The following NSA2 variants were observed in gnomAD, a reference collection of about 807,000 sequenced individuals.
The protein encoded by NSA2 is NSA2 ribosome biogenesis factor.
In NSA2, 18 loss-of-function variants were observed where a neutral mutation model predicts 34.8. The ratio of observed to expected loss-of-function variants is 0.52; its 90% CI spans 0.36 to 0.77. The LOEUF (loss-of-function observed/expected upper bound fraction) is 0.77, where lower values mean the gene tolerates loss of function less well. Among genes scored for constraint, NSA2 ranks in the 30% least tolerant of loss-of-function variants. NSA2 has a pLI of 0.00. For missense variants in NSA2, 188 were observed against 314.7 expected (o/e 0.60, Z 3.05); for synonymous variants, 79 against 100.2 (o/e 0.79, Z 1.26).
intron 5 of NSA2, among the ~76,000 whole-genome samples, chr5:74,775,735 C>A (rs1213641165): frequency 6.6e-6 from 1 of 151,248 alleles, no homozygotes; most frequent in South Asian, 2.1e-4. Context: ...AACCATGAGC[C>A]GAGGGAGGCA....
At position 74,770,583 on chromosome 5, in the gene NSA2, A is replaced by T. The variant is rs765380515; in HGVS notation, c.343-48A>T. ...ACTAAAACATATTTGACTTATTCTCATTGTCCTTTAATAACAATATAAACT... is the reference window on the plus strand; with the variant it reads ...ACTAAAACATATTTGACTTATTCTCTTTGTCCTTTAATAACAATATAAACT... On this transcript the variant is annotated intron_variant, in intron 3 of 5. Coordinates refer to ENST00000610426, the MANE Select transcript of NSA2 (RefSeq NM_014886.6). 16 of 1,371,618 alleles carry T rather than the reference A, an allele frequency of 1.2e-5. No homozygotes were observed. The African/African-American group carries it at 2.3e-4, about 20-fold the overall frequency. 85.0% of individuals were successfully genotyped at this position (1,371,618 alleles called of 1,614,324 possible). A position where few individuals can be genotyped will look rare whatever the true frequency, so the allele number is the denominator to read the frequency against.
At chr5:74,775,641 T>G (rs1745086598) in intron 5 of NSA2, among the ~76,000 whole-genome samples, 1 of 152,054 alleles carries the variant, frequency 6.6e-6, no homozygotes, top group Non-Finnish European at 1.5e-5. Flanking sequence ...ATTTTGATCT[T>G]TTTTAATAAA....
intron 4 of NSA2, 76 bp from the exon 5 acceptor site, chr5:74,773,787 AAAGAT>A: frequency 9.0e-7 from 1 of 1,111,034 alleles, no homozygotes; most frequent in Non-Finnish European, 1.3e-6. Flanking sequence ...GATGGTTGAA[AAAGAT>A]AAGCGAAAAC....
In NSA2 at chr5:74,777,392, C is replaced by CTAAG. The variant is rs1478097046; in HGVS notation, c.*723_*726dup. The stretch of plus-strand genomic sequence containing the variant: ...TAAGAATTAGTTTAAGTAACTCCAG[C>CTAAG]TAAGTTTTAAAAGGAAAAAGAAGAC... On this transcript the variant is annotated 3_prime_UTR_variant, in exon 6 of 6. Coordinates refer to ENST00000610426, the MANE Select transcript of NSA2 (RefSeq NM_014886.6). The CTAAG allele has an allele frequency of 2.0e-5, 3 of 151,998 alleles. No individual in the cohort carries two copies. The highest frequency in any genetic ancestry group is 6.5e-5 in the Admixed American group (1 of 15,268). The allele number at this position is 151,998 out of a possible 1,614,324, so 9.4% of individuals were successfully genotyped here.
chr5:74,772,153 C>CT (rs1744959301), intron 4 of NSA2, among the ~76,000 whole-genome samples: 1 of 144,000 alleles, frequency 6.9e-6, no homozygotes, highest in African/African-American at 2.6e-5. Flanking sequence ...GGGACGGAGT[C>CT]TCCCTCTGTA....
Position 74,778,383 on chromosome 5 carries a change from T to C in NSA2, c.*1712T>C, listed in dbSNP as rs1013541385. On this transcript the variant is annotated 3_prime_UTR_variant, in exon 6 of 6. Transcript: ENST00000610426. ...TAAAGCAGAACATAAGAGCAGATAT[T>C]TAGATATTAGTACAGGCTCAATTTG... 1 of 152,024 alleles carries C rather than the reference T, an allele frequency of 6.6e-6. No individual in the cohort carries two copies. The highest frequency in any genetic ancestry group is 1.5e-5 in the Non-Finnish European group (1 of 67,888). 9.4% of individuals were successfully genotyped at this position (152,024 alleles called of 1,614,324 possible). A position where few individuals can be genotyped will look rare whatever the true frequency, so the allele number is the denominator to read the frequency against.
At position 74,773,888 on chromosome 5, in the gene NSA2, C is replaced by T. The variant is rs1429146129; in HGVS notation, c.543C>T (p.Ala181=). 3.7e-6 allele frequency: 6 copies of T among 1,612,500 alleles called. No individual in the cohort carries two copies. Among genetic ancestry groups the T allele is most frequent in the Non-Finnish European group, 5.1e-6 (6 of 1,179,376 alleles). ...IRPMGLRFKK[A]HVTHPELKAT... is the part of the protein sequence containing the mutation. ...ACTAGGGCTTGCGTTTCAAGAAAGC[C>T]CATGTAACACATCCTGAACTGAAAG... The change falls in exon 5 of 6, where the codon GCC becomes GCT. Residue 181 remains alanine, a synonymous_variant. Coordinates refer to ENST00000610426, the MANE Select transcript of NSA2 (RefSeq NM_014886.6).
chr5:74,775,443 C>T (rs1052593290), intron 5 of NSA2, among the ~76,000 whole-genome samples: 3 of 151,786 alleles, frequency 2.0e-5, no homozygotes, highest in African/African-American at 7.3e-5. Flanking sequence ...GACAAAACGC[C>T]GTCTCTACTA....
At chr5:74,771,853 CA>C (rs11291606) in intron 4 of NSA2, among the ~76,000 whole-genome samples, 5,278 of 76,414 alleles carry the variant, frequency 0.069, 223 homozygotes, top group African/African-American at 0.19. Context: ...GATTCTGTCT[CA>C]AAAAAAAAAA....
intron 5 of NSA2, 82 bp downstream of exon 5, chr5:74,774,142 A>AT (rs1745034888): frequency 4.1e-6 from 4 of 964,992 alleles, no homozygotes; most frequent in South Asian, 1.9e-5. Context: ...TTAATAAAAT[A>AT]TACAGCAAAT....
chr5:74,779,584 G>A lies in NSA2; in HGVS notation c.*2913G>A, dbSNP rs1745307694. On this transcript the variant is annotated 3_prime_UTR_variant, in exon 6 of 6. Transcript: ENST00000610426. ...AGTTTCTCATAAAATGTATAAAACA[G>A]CATAAATGTTTGGTAGATTCACTAA... 6.6e-6 allele frequency: 1 copy of A among 151,348 alleles called. No individual in the cohort carries two copies. Among genetic ancestry groups the A allele is most frequent in the Non-Finnish European group, 1.5e-5 (1 of 67,856 alleles). The allele number at this position is 151,348 out of a possible 1,614,324, so 9.4% of individuals were successfully genotyped here. A position where few individuals can be genotyped will look rare whatever the true frequency, so the allele number is the denominator to read the frequency against.
chr5:74,775,440 C>T (rs535756894), intron 5 of NSA2, among the ~76,000 whole-genome samples: 11 of 151,912 alleles, frequency 7.2e-5, no homozygotes, highest in African/African-American at 2.7e-4. Context: ...CATGACAAAA[C>T]GCCGTCTCTA....
In NSA2 at chr5:74,773,950, A is replaced by C. The variant is rs1580056888; in HGVS notation, c.605A>C (p.Asn202Thr). 2 of 1,614,006 alleles carry C rather than the reference A, an allele frequency of 1.2e-6. No homozygotes were observed. Among genetic ancestry groups the C allele is most frequent in the Admixed American group, 3.3e-5 (2 of 60,020 alleles). ...CTACCAATACTTGGTGTAAAGAAGA[A>C]TCCCTCATCCCCACTGTATACAACT... is the stretch of plus-strand genomic sequence containing the variant. ...FCLPILGVKK[N>T]PSSPLYTTLG... The change falls in exon 5 of 6, where the codon AAT becomes ACT. Residue 202 changes from asparagine (N) to threonine (T), a missense_variant. Transcript: ENST00000610426.
chr5:74,780,004 G>C lies in NSA2; in HGVS notation c.*3333G>C, dbSNP rs1436147754. On this transcript the variant is annotated 3_prime_UTR_variant, in exon 6 of 6. Coordinates refer to ENST00000610426, the MANE Select transcript of NSA2 (RefSeq NM_014886.6). ...GGTCTCAAAACATTCTCCAACTTAA[G>C]TGCAAATTTGAGTACACATAATATT... is the stretch of plus-strand genomic sequence containing the variant. 6.6e-6 allele frequency: 1 copy of C among 152,094 alleles called. No individual in the cohort carries two copies. Among genetic ancestry groups the C allele is most frequent in the Non-Finnish European group, 1.5e-5 (1 of 68,018 alleles). The allele number at this position is 152,094 out of a possible 1,614,324, so 9.4% of individuals were successfully genotyped here. A position where few individuals can be genotyped will look rare whatever the true frequency, so the allele number is the denominator to read the frequency against.
At position 74,767,259 on chromosome 5, in the gene NSA2, G is replaced by A. The variant is rs752481901; in HGVS notation, c.-102G>A. On this transcript the variant is annotated 5_prime_UTR_variant, in exon 1 of 6. Transcript: ENST00000610426. ...CCGTTTTAAAGGGTGACTCTTTCCTGTCCCGGCCTGCGTGGTGTGGGCTTG... is the reference window on the plus strand; with the variant it reads ...CCGTTTTAAAGGGTGACTCTTTCCTATCCCGGCCTGCGTGGTGTGGGCTTG... 4 of 1,449,898 alleles carry A rather than the reference G, an allele frequency of 2.8e-6. No individual in the cohort carries two copies. The highest frequency in any genetic ancestry group is 2.8e-5 in the African/African-American group (2 of 70,522). The allele number at this position is 1,449,898 out of a possible 1,614,324, so 89.8% of individuals were successfully genotyped here.
chr5:74,777,659 T>C lies in NSA2; in HGVS notation c.*988T>C, dbSNP rs1422336932. 1 of 152,012 alleles carries C rather than the reference T, an allele frequency of 6.6e-6. No homozygotes were observed. The highest frequency in any genetic ancestry group is 1.5e-5 in the Non-Finnish European group (1 of 67,902). The allele number at this position is 152,012 out of a possible 1,614,324, so 9.4% of individuals were successfully genotyped here. A position where few individuals can be genotyped will look rare whatever the true frequency, so the allele number is the denominator to read the frequency against. On this transcript the variant is annotated 3_prime_UTR_variant, in exon 6 of 6. Coordinates refer to ENST00000610426, the MANE Select transcript of NSA2 (RefSeq NM_014886.6). ...ATTAATTGTGCCTTTAACAAAGTCA[T>C]TCAATGTCTAAACAAATTCAGTATC...
At chr5:74,767,684 T>G (rs1744737638) in intron 1 of NSA2, among the ~76,000 whole-genome samples, 1 of 152,210 alleles carries the variant, frequency 6.6e-6, no homozygotes, top group Admixed American at 6.5e-5. Context: ...CAGAGCCTAA[T>G]GGGAATATGG....
At position 74,778,458 on chromosome 5, in the gene NSA2, G is replaced by T. The variant is rs183780823; in HGVS notation, c.*1787G>T. The T allele has an allele frequency of 6.6e-6, 1 of 151,984 alleles. No homozygotes were observed. The highest frequency in any genetic ancestry group is 6.6e-5 in the Admixed American group (1 of 15,266). The allele number at this position is 151,984 out of a possible 1,614,324, so 9.4% of individuals were successfully genotyped here. On this transcript the variant is annotated 3_prime_UTR_variant, in exon 6 of 6. Transcript: ENST00000610426. ...TCTAGTCACTGAAACCCCATTGTAG[G>T]TAGTGTTCTGGAGTCTGCTATAAGT... is the stretch of plus-strand genomic sequence containing the variant.
intron 4 of NSA2, 76 bp downstream of exon 4, chr5:74,770,886 C>G: frequency 3.5e-6 from 4 of 1,143,722 alleles, no homozygotes; most frequent in Non-Finnish European, 4.8e-6. Flanking sequence ...TTATCATTTC[C>G]TGAAATTCTT....
Sources: gnomAD v4.1 joint callset for allele counts (sites outside exome capture counted in the v4.1 genomes callset) on GRCh38, gnomAD v4.1.1 for gene constraint, MANE v1.5 for transcripts, NCBI Gene and HGNC (gene_info 2026-07-23, HGNC 2026-07-21) for gene names.